The following TIAM2 variants were observed in gnomAD, a reference collection of about 807,000 sequenced individuals.
The protein encoded by TIAM2 is TIAM Rac1 associated GEF 2.
Under a neutral mutation model 152.9 loss-of-function variants are expected in TIAM2, and 80 were observed. The ratio of observed to expected loss-of-function variants is 0.52; its 90% confidence interval spans 0.44 to 0.63. TIAM2 has a LOEUF of 0.63. Ranked by LOEUF, TIAM2 falls within the 30% of genes least tolerant of loss-of-function variation. The pLI is 0.00. For synonymous variants in TIAM2, 804 were observed against 838.0 expected (o/e 0.96, Z 0.70); for missense variants, 1,965 against 2,120.1 (o/e 0.93, Z 1.44).
rs1457813688 is a variant in TIAM2 at position 155,028,053 on chromosome 6, CATAT to C, written c.-209+32565_-209+32568del. On this transcript the variant is annotated intron_variant, in intron 1 of 26. Transcript: ENST00000682666. ...TATATATAATATATGTACTGTGTTA[CATAT>C]ATACTATATATAATATATGTACTGT... 9.9e-5 allele frequency among the ~76,000 whole-genome samples: 10 copies of C among 101,106 alleles called. No homozygotes were observed. The South Asian group carries it at 2.7e-3, about 27-fold the overall frequency. 66.3% of individuals were successfully genotyped at this position (101,106 alleles called of 152,430 possible).
chr6:155,015,958 A>C (rs2093568), intron 1 of TIAM2, among the ~76,000 whole-genome samples: 3,381 of 146,786 alleles, frequency 0.023, 210 homozygotes, highest in African/African-American at 0.078. Flanking sequence ...AAAAAAAAAA[A>C]AAAAAAAAAA....
Position 155,137,221 on chromosome 6 carries a change from T to C in TIAM2, c.1239T>C (p.Ser413=). 1 of 1,614,194 alleles carries C rather than the reference T, an allele frequency of 6.2e-7. No individual in the cohort carries two copies. The highest frequency in any genetic ancestry group is 8.5e-7 in the Non-Finnish European group (1 of 1,180,014). Residue 413 remains serine, a synonymous_variant, in exon 5 of 27, where the codon TCT becomes TCC. Transcript: ENST00000682666. The stretch of plus-strand genomic sequence containing the variant: ...GCAGTGACTACTTTGACAGTCGCTC[T>C]GATGGACTGAATACAGATGTGCAGG... ...KEGSDYFDSR[S]DGLNTDVQGS... is the part of the protein sequence containing the mutation.
At chr6:155,140,579 A>T (rs139548113) in intron 5 of TIAM2, among the ~76,000 whole-genome samples, 5,186 of 117,974 alleles carry the variant, frequency 0.044, 111 homozygotes, top group East Asian at 0.062. Flanking sequence ...TGTGTGAGAG[A>T]GAGAGAGAGA....
At chr6:155,109,445 A>G (rs773210123) in intron 2 of TIAM2, among the ~76,000 whole-genome samples, 1 of 152,246 alleles carries the variant, frequency 6.6e-6, no homozygotes, top group Non-Finnish European at 1.5e-5. Context: ...AGATAAAGGT[A>G]TGGAATAGAA....
chr6:155,172,665 T>G (rs1369196362), intron 9 of TIAM2, among the ~76,000 whole-genome samples: 2 of 8,068 alleles, frequency 2.5e-4, no homozygotes, highest in African/African-American at 9.5e-4. Flanking sequence ...TATATATATA[T>G]ATATATATAT....
At chr6:155,057,541 CTTTTTTTTTTT>C (rs71023613) in intron 1 of TIAM2, among the ~76,000 whole-genome samples, 1 of 80,072 alleles carries the variant, frequency 1.2e-5, no homozygotes, top group African/African-American at 5.5e-5. Context: ...CCATAATGTA[CTTTTTTTTTTT>C]TTTTTTTTTT....
intron 4 of TIAM2, among the ~76,000 whole-genome samples, chr6:155,132,725 C>A (rs1264271408): frequency 6.6e-6 from 1 of 152,220 alleles, no homozygotes; most frequent in Non-Finnish European, 1.5e-5. Context: ...TGGTGCCCAC[C>A]TGTGTTCAGC....
At chr6:155,219,841 T>A (rs1262784274) in intron 15 of TIAM2, among the ~76,000 whole-genome samples, 1 of 151,844 alleles carries the variant, frequency 6.6e-6, no homozygotes, top group Non-Finnish European at 1.5e-5. Flanking sequence ...TTCAACAGGG[T>A]TGGCAATGTC....
intron 4 of TIAM2, among the ~76,000 whole-genome samples, chr6:155,134,059 C>A (rs1004012240): frequency 1.3e-5 from 2 of 152,078 alleles, no homozygotes; most frequent in Admixed American, 6.6e-5. Flanking sequence ...TGCTGTACTG[C>A]CCTAGTCATC....
At chr6:155,235,711 A>C (rs763655150) in intron 15 of TIAM2, among the ~76,000 whole-genome samples, 1 of 152,238 alleles carries the variant, frequency 6.6e-6, no homozygotes, top group Non-Finnish European at 1.5e-5. Context: ...GCTTTCTAGC[A>C]CTTGAACACT....
intron 14 of TIAM2, among the ~76,000 whole-genome samples, chr6:155,196,232 G>A (rs1781344198): frequency 6.6e-6 from 1 of 152,178 alleles, no homozygotes; most frequent in African/African-American, 2.4e-5. Context: ...GTTTTGGCGT[G>A]AGCATCCAGA....
In TIAM2 at chr6:155,176,806, C is replaced by T. The variant is rs771354684; in HGVS notation, c.2362-10C>T. ...ATTTGTCTGCATTTTCTTTTGGCAT[C>T]TACAAACAGGTCGATGAACTTCTGC... On this transcript the variant is annotated splice_polypyrimidine_tract_variant and intron_variant, in intron 9 of 26. Transcript: ENST00000682666. The T allele has an allele frequency of 3.7e-6, 6 of 1,605,386 alleles. No homozygotes were observed. The African/African-American group carries it at 8.1e-5, about 22-fold the overall frequency.
intron 2 of TIAM2, among the ~76,000 whole-genome samples, chr6:155,120,739 C>T (rs1006695200): frequency 6.6e-6 from 1 of 152,128 alleles, no homozygotes; most frequent in African/African-American, 2.4e-5. Context: ...TTTGTTGTGG[C>T]GAACTGTCCT....
At chr6:155,083,489 T>G (rs1168791305) in intron 1 of TIAM2, among the ~76,000 whole-genome samples, 1 of 152,138 alleles carries the variant, frequency 6.6e-6, no homozygotes, top group African/African-American at 2.4e-5. Flanking sequence ...TTATTTCTAA[T>G]GTGCAATGTG....
chr6:155,089,892 C>A (rs1360648582), intron 1 of TIAM2, among the ~76,000 whole-genome samples: 1 of 151,996 alleles, frequency 6.6e-6, no homozygotes, highest in Non-Finnish European at 1.5e-5. Context: ...GTGGCTTGGT[C>A]ACAGTAGGCT....
chr6:155,250,888 C>G, intron 21 of TIAM2, 25 bp from the exon 22 acceptor site: 1 of 1,606,684 alleles, frequency 6.2e-7, no homozygotes, highest in Non-Finnish European at 8.5e-7. Context: ...CCGTATCTTC[C>G]TTACCTCCTG....
rs747101914 is a variant in TIAM2 at position 155,250,926 on chromosome 6, C to T, written c.3965C>T (p.Ser1322Leu). 6.2e-6 allele frequency: 10 copies of T among 1,614,018 alleles called. No homozygotes were observed. The highest frequency in any genetic ancestry group is 2.2e-5 in the East Asian group (1 of 44,890). Reference protein sequence around the residue: ...SGTEKEVTELSMGELLMHSTV... With the variant: ...SGTEKEVTELLMGELLMHSTV... Reference sequence around the variant, plus strand: ...TTTACAATCTAGGTAACAGAACTTTCGATGGGAGAGCTTCTGATGCACTCT... The same window carrying T: ...TTTACAATCTAGGTAACAGAACTTTTGATGGGAGAGCTTCTGATGCACTCT... Residue 1322 changes from serine to leucine, a missense_variant, in exon 22 of 27, where the codon TCG becomes TTG. Physicochemically the swap from Ser to Leu is moderately radical, Grantham distance 145. Transcript: ENST00000682666.
intron 1 of TIAM2, among the ~76,000 whole-genome samples, chr6:155,005,677 T>A (rs971768821): frequency 2.7e-5 from 4 of 146,560 alleles, no homozygotes; most frequent in Non-Finnish European, 6.0e-5. Flanking sequence ...TTTTTTGAGA[T>A]GGAGTTTTGC....
intron 1 of TIAM2, among the ~76,000 whole-genome samples, chr6:155,059,294 C>CTGTGTGTGTGTGTGTG (rs56013145): frequency 2.6e-5 from 3 of 117,206 alleles, no homozygotes; most frequent in East Asian, 2.1e-4. Context: ...GTGTGTGTGT[C>CTGTGTGTGTGTGTGTG]TGTGTGTGTG....
Sources: gnomAD v4.1 joint callset for allele counts (sites outside exome capture counted in the v4.1 genomes callset) on GRCh38, gnomAD v4.1.1 for gene constraint, MANE v1.5 for transcripts, NCBI Gene and HGNC (gene_info 2026-07-23, HGNC 2026-07-21) for gene names.